The following DLG2 variants were observed in gnomAD, a reference collection of about 807,000 sequenced individuals.
The protein encoded by DLG2 is disks large homolog 2.
A neutral mutation model predicts 132.5 loss-of-function variants in DLG2; 45 were observed. The ratio of observed to expected loss-of-function variants is 0.34; its 90% CI spans 0.27 to 0.44. DLG2 has a LOEUF of 0.44. Among genes scored for constraint, DLG2 ranks in the 20% least tolerant of loss-of-function variants. The pLI is 1.00. For missense variants in DLG2, 1,045 were observed against 1,196.9 expected (o/e 0.87, Z 1.87); for synonymous variants, 424 against 419.6 (o/e 1.01, Z -0.13).
At chr11:84,866,788 G>T (rs2084638896) in intron 6 of DLG2, among the ~76,000 whole-genome samples, 1 of 152,124 alleles carries the variant, frequency 6.6e-6, no homozygotes, top group South Asian at 2.1e-4. Flanking sequence ...AAAAAGTGAA[G>T]AAACTTAAAA....
intron 3 of DLG2, among the ~76,000 whole-genome samples, chr11:85,473,990 A>G (rs2093063402): frequency 6.6e-6 from 1 of 152,076 alleles, no homozygotes; most frequent in Non-Finnish European, 1.5e-5. Flanking sequence ...GCCTCAATAA[A>G]TATAAACAGA....
At chr11:84,235,566 G>C (rs11233959) in intron 8 of DLG2, among the ~76,000 whole-genome samples, 8,336 of 152,010 alleles carry the variant, frequency 0.055, 730 homozygotes, top group African/African-American at 0.19. Flanking sequence ...CTCTTCCCAG[G>C]TTGACTTTAA....
intron 17 of DLG2, among the ~76,000 whole-genome samples, chr11:83,803,402 G>A (rs1054477623): frequency 3.3e-5 from 5 of 152,056 alleles, no homozygotes; most frequent in South Asian, 2.1e-4. Context: ...TTTGCAAACC[G>A]TGGCACAATC....
chr11:84,904,824 A>G (rs1046313872), intron 6 of DLG2, among the ~76,000 whole-genome samples: 5 of 152,200 alleles, frequency 3.3e-5, no homozygotes, highest in Middle Eastern at 3.2e-3. Flanking sequence ...TTACATTTTC[A>G]CGGTGCAAAT....
intron 16 of DLG2, among the ~76,000 whole-genome samples, chr11:83,843,021 AT>A (rs1445749790): frequency 1.1e-4 from 16 of 152,136 alleles, no homozygotes; most frequent in Admixed American, 1.0e-3. Flanking sequence ...TAAAGAACAT[AT>A]CTTACCATGT....
rs184235732 is a variant in DLG2 at position 83,704,688 on chromosome 11, G to A, written c.1826-71363C>T. ...AAAAAAAAAAAAATATTAGCTGGGC[G>A]TGGTGGCACAGGCCTGTAATTCTAG... On this transcript the variant is annotated intron_variant, in intron 18 of 27. Coordinates refer to ENST00000376104, the MANE Select transcript of DLG2 (RefSeq NM_001142699.3). Among the ~76,000 whole-genome samples, 345 of 151,394 alleles carry A rather than the reference G, an allele frequency of 2.3e-3. 2 individuals carry two copies. Among genetic ancestry groups the A allele is most frequent in the African/African-American group, 8.2e-3 (337 of 41,222 alleles).
intron 3 of DLG2, among the ~76,000 whole-genome samples, chr11:85,358,076 A>T: frequency 6.6e-6 from 1 of 151,998 alleles, no homozygotes; most frequent in Non-Finnish European, 1.5e-5. Flanking sequence ...AGAAATATGG[A>T]AAATCGCCTG....
At chr11:85,233,489 A>T (rs1422861282) in intron 4 of DLG2, among the ~76,000 whole-genome samples, 1 of 151,888 alleles carries the variant, frequency 6.6e-6, no homozygotes, top group African/African-American at 2.4e-5. Context: ...ATTAATAACA[A>T]GAAGAAAAGC....
At chr11:85,281,351 T>C (rs1195030068) in intron 4 of DLG2, among the ~76,000 whole-genome samples, 1 of 151,978 alleles carries the variant, frequency 6.6e-6, no homozygotes, top group African/African-American at 2.4e-5. Flanking sequence ...AGAAAAGGAA[T>C]CATTGGGTGG....
chr11:83,646,140 C>T (rs1032045897), intron 18 of DLG2, among the ~76,000 whole-genome samples: 2 of 152,102 alleles, frequency 1.3e-5, no homozygotes, highest in Non-Finnish European at 1.5e-5. Flanking sequence ...ATAGCAGAAA[C>T]AGCAGGTTTC....
intron 12 of DLG2, among the ~76,000 whole-genome samples, chr11:83,971,386 A>C (rs1165032844): frequency 6.6e-6 from 1 of 152,196 alleles, no homozygotes; most frequent in African/African-American, 2.4e-5. Flanking sequence ...ATGCAGACAA[A>C]GGAAGGCAAA....
At chr11:84,395,817 TA>T (rs917268726) in intron 7 of DLG2, among the ~76,000 whole-genome samples, 2 of 152,232 alleles carry the variant, frequency 1.3e-5, no homozygotes, top group African/African-American at 4.8e-5. Flanking sequence ...TTTGTTCGTT[TA>T]AAAATATATT....
chr11:84,434,778 T>G (rs1247818545), intron 7 of DLG2, among the ~76,000 whole-genome samples: 1 of 152,006 alleles, frequency 6.6e-6, no homozygotes, highest in Non-Finnish European at 1.5e-5. Flanking sequence ...CATTTAGTCT[T>G]GCATGTTCCT....
chr11:85,161,267 TG>T (rs892556348), intron 4 of DLG2, among the ~76,000 whole-genome samples: 1 of 152,200 alleles, frequency 6.6e-6, no homozygotes, highest in African/African-American at 2.4e-5. Context: ...CATTGGCCAG[TG>T]GGCCCATGAA....
intron 25 of DLG2, among the ~76,000 whole-genome samples, chr11:83,467,804 T>TATAA (rs2091377853): frequency 2.0e-5 from 2 of 99,950 alleles, no homozygotes; most frequent in African/African-American, 3.9e-5. Flanking sequence ...TATATATATA[T>TATAA]ATATATACAC....
chr11:84,211,919 C>A (rs1281345908), intron 8 of DLG2, among the ~76,000 whole-genome samples: 3 of 152,098 alleles, frequency 2.0e-5, no homozygotes, highest in African/African-American at 7.2e-5. Context: ...TGCTATACTT[C>A]TATTCTATAT....
intron 6 of DLG2, among the ~76,000 whole-genome samples, chr11:84,842,337 TA>T (rs2080803476): frequency 6.6e-6 from 1 of 152,006 alleles, no homozygotes; most frequent in Admixed American, 6.6e-5. Flanking sequence ...TCAAGTAATT[TA>T]TCCAGGGCCA....
At chr11:83,893,633 C>T (rs527952635) in intron 15 of DLG2, among the ~76,000 whole-genome samples, 45 of 152,158 alleles carry the variant, frequency 3.0e-4, no homozygotes, top group Non-Finnish European at 4.1e-4. Flanking sequence ...TGATTACTCA[C>T]GGAAATTATC....
intron 3 of DLG2, among the ~76,000 whole-genome samples, chr11:85,498,116 T>C (rs1354861069): frequency 1.3e-5 from 2 of 152,174 alleles, no homozygotes; most frequent in Non-Finnish European, 2.9e-5. Flanking sequence ...AATGCCCCAA[T>C]TAAAAGACAC....
Sources: allele counts gnomAD v4.1 joint callset (sites outside exome capture counted in the v4.1 genomes callset), GRCh38; gene constraint gnomAD v4.1.1; transcripts MANE v1.5; gene names NCBI Gene and HGNC (gene_info 2026-07-23, HGNC 2026-07-21).